The following DHX36 variants were observed in gnomAD, a reference collection of about 807,000 sequenced individuals.
DHX36 encodes DEAH-box helicase 36, also known as ATP-dependent DNA/RNA helicase DHX36.
DHX36 carries 50 observed loss-of-function variants against 139.0 expected under a neutral mutation model. The observed-to-expected ratio is 0.36, with a 90% CI of 0.29 to 0.46. DHX36 has a LOEUF of 0.46. DHX36 is among the 20% of genes least tolerant of loss of function. The pLI, the probability that DHX36 is intolerant of heterozygous loss-of-function variation, is 1.00. For missense variants in DHX36, 1,024 were observed against 1,211.3 expected, an observed-to-expected ratio of 0.85 and a Z score of 2.29; for synonymous variants, 425 against 401.9, an observed-to-expected ratio of 1.06 and a Z score of -0.69.
chr3:154,320,367 T>C (rs1029185134), intron 1 of DHX36, among the ~76,000 whole-genome samples: 3 of 150,622 alleles, frequency 2.0e-5, no homozygotes, highest in African/African-American at 7.5e-5. Flanking sequence ...CCCACCAGTG[T>C]CCTACATTTT....
intron 1 of DHX36, among the ~76,000 whole-genome samples, chr3:154,318,232 C>G (rs181799449): frequency 6.6e-6 from 1 of 152,142 alleles, no homozygotes; most frequent in Admixed American, 6.5e-5. Context: ...AGCAAATGAA[C>G]TATATGTTAC....
chr3:154,300,439 C>A (rs1275745105), intron 11 of DHX36, among the ~76,000 whole-genome samples, 155 bp downstream of exon 11: 6 of 152,128 alleles, frequency 3.9e-5, no homozygotes, highest in Non-Finnish European at 5.9e-5. Flanking sequence ...AGGTCAAATG[C>A]CTAAATCTTT....
Position 154,301,118 on chromosome 3 carries a change from T to C in DHX36, c.1227A>G (p.Pro409=). Residue 409 remains proline (P), a synonymous_variant, in exon 10 of 25, where the codon CCA becomes CCG. Coordinates refer to ENST00000496811, the MANE Select transcript of DHX36 (RefSeq NM_020865.3). ...ACTGGGATCTGTGTTCTTTTTGTTCTGGAACATACCTAAAATAAAAACATT... is the reference window on the plus strand; with the variant it reads ...ACTGGGATCTGTGTTCTTTTTGTTCCGGAACATACCTAAAATAAAAACATT... The part of the protein sequence containing the change: ...EDVIEKIRYV[P]EQKEHRSQFK... 5.0e-6 allele frequency: 8 copies of C among 1,589,810 alleles called. No individual in the cohort carries two copies. The highest frequency in any genetic ancestry group is 1.4e-5 in the African/African-American group (1 of 73,356).
intron 1 of DHX36, 53 bp downstream of exon 1, chr3:154,324,117 GGAGA>G (rs1413149756): frequency 1.3e-6 from 2 of 1,512,844 alleles, no homozygotes; most frequent in Admixed American, 2.0e-5. Context: ...GGGGGCAGCG[GGAGA>G]GAGAAGAAAA....
chr3:154,296,476 A>T (rs1559951461), intron 12 of DHX36, among the ~76,000 whole-genome samples: 2 of 151,260 alleles, frequency 1.3e-5, no homozygotes, highest in East Asian at 1.9e-4. Flanking sequence ...TCCGTCTCAA[A>T]AATAATAATA....
Position 154,315,156 on chromosome 3 carries a change from G to C in DHX36, c.493C>G (p.Arg165Gly). 6.2e-7 allele frequency: 1 copy of C among 1,612,550 alleles called. No individual in the cohort carries two copies. The highest frequency in any genetic ancestry group is 8.5e-7 in the Non-Finnish European group (1 of 1,179,214). The change falls in exon 3 of 25, where the codon CGA becomes GGA. Residue 165 changes from arginine (R) to glycine (G), a missense_variant. By Grantham distance (125) the Arg-to-Gly change is moderately radical. Transcript: ENST00000496811. ...FRIRNRSYID[R>G]DSEYLLQENE... is the part of the protein sequence containing the mutation. ...TCTTGCAAGAGATACTCAGAATCTC[G>C]GTCAATATATGATCTGTTCCTGATT...
At chr3:154,296,338 T>G (rs1194782023) in intron 12 of DHX36, among the ~76,000 whole-genome samples, 1 of 152,066 alleles carries the variant, frequency 6.6e-6, no homozygotes, top group Admixed American at 6.5e-5. Context: ...GCTGGGCGTG[T>G]TGGCGGGCGC....
chr3:154,322,668 T>C (rs998196046), intron 1 of DHX36, among the ~76,000 whole-genome samples: 7 of 152,248 alleles, frequency 4.6e-5, no homozygotes, highest in African/African-American at 9.6e-5. Context: ...CAACTGGCTA[T>C]ACCCTTCATG....
In DHX36 at chr3:154,300,576, A is replaced by G. The variant is rs1338693656; in HGVS notation, c.1461+18T>C. ...AAATTAAAATTATGTTAACTGAAGAAAGAAAAATAAAACTAACCTCTTCTT... is the reference window on the plus strand; with the variant it reads ...AAATTAAAATTATGTTAACTGAAGAGAGAAAAATAAAACTAACCTCTTCTT... On this transcript the variant is annotated intron_variant, in intron 11 of 24. Transcript: ENST00000496811. 9.4e-6 allele frequency: 15 copies of G among 1,589,242 alleles called. No homozygotes were observed. Among genetic ancestry groups the G allele is most frequent in the Non-Finnish European group, 1.1e-5 (13 of 1,161,796 alleles).
At chr3:154,290,774 C>A (rs1006743992) in intron 15 of DHX36, among the ~76,000 whole-genome samples, 1 of 151,888 alleles carries the variant, frequency 6.6e-6, no homozygotes, top group Admixed American at 6.6e-5. Flanking sequence ...TTCCATGAGT[C>A]TACATAGACC....
At chr3:154,318,430 C>G (rs1026941422) in intron 1 of DHX36, among the ~76,000 whole-genome samples, 1 of 152,048 alleles carries the variant, frequency 6.6e-6, no homozygotes, top group African/African-American at 2.4e-5. Flanking sequence ...TAAACAATTT[C>G]CTAGATTGAC....
Position 154,293,817 on chromosome 3 carries a change from A to G in DHX36, c.1606-5T>C. 2 of 1,606,424 alleles carry G rather than the reference A, an allele frequency of 1.2e-6. No homozygotes were observed. Among genetic ancestry groups the G allele is most frequent in the South Asian group, 1.1e-5 (1 of 90,652 alleles). Reference sequence around the variant, plus strand: ...AGGAGGGGTTCTTTTAAACACCTGTAAAAATAAATACATCAGAATCACAAA... The same window carrying G: ...AGGAGGGGTTCTTTTAAACACCTGTGAAAATAAATACATCAGAATCACAAA... On this transcript the variant is annotated splice_region_variant and splice_polypyrimidine_tract_variant and intron_variant, in intron 13 of 24. Coordinates refer to ENST00000496811, the MANE Select transcript of DHX36 (RefSeq NM_020865.3).
intron 12 of DHX36, among the ~76,000 whole-genome samples, chr3:154,297,443 T>A (rs1280281522): frequency 6.6e-6 from 1 of 152,216 alleles, no homozygotes; most frequent in Non-Finnish European, 1.5e-5. Flanking sequence ...CTGGGTGCAG[T>A]GGCTCACGCC....
chr3:154,283,029 T>C (rs988759853), intron 20 of DHX36, among the ~76,000 whole-genome samples, 159 bp downstream of exon 20: 4 of 152,192 alleles, frequency 2.6e-5, no homozygotes, highest in African/African-American at 9.6e-5. Context: ...TTTGTTGCAG[T>C]TGATTTCAGA....
intron 17 of DHX36, among the ~76,000 whole-genome samples, chr3:154,287,453 C>T (rs913000202): frequency 1.3e-5 from 2 of 151,848 alleles, no homozygotes; most frequent in African/African-American, 4.8e-5. Context: ...TCAGGAGTTC[C>T]AGACCAGCCT....
intron 1 of DHX36, among the ~76,000 whole-genome samples, chr3:154,317,475 T>C (rs973927462): frequency 1.3e-5 from 2 of 152,036 alleles, no homozygotes; most frequent in African/African-American, 2.4e-5. Context: ...GACAGACGGA[T>C]GACCAAGTCT....
chr3:154,296,416 G>C (rs946833535), intron 12 of DHX36, among the ~76,000 whole-genome samples: 3 of 152,144 alleles, frequency 2.0e-5, no homozygotes, highest in Non-Finnish European at 4.4e-5. Flanking sequence ...GGAGCTTGCA[G>C]TGAGCCGAGA....
chr3:154,278,395 T>TATA (rs1719222979), intron 22 of DHX36: 2 of 152,148 alleles, frequency 1.3e-5, no homozygotes, highest in Non-Finnish European at 2.9e-5. Flanking sequence ...TAGTTAATGT[T>TATA]AATTACCTGT....
intron 12 of DHX36, 43 bp downstream of exon 12, chr3:154,299,795 A>C: frequency 7.1e-7 from 1 of 1,410,410 alleles, no homozygotes; most frequent in East Asian, 2.3e-5. Flanking sequence ...ATATAATTCA[A>C]ATACCACTCT....
Sources: gnomAD v4.1 joint callset for allele counts (sites outside exome capture counted in the v4.1 genomes callset) on GRCh38, gnomAD v4.1.1 for gene constraint, MANE v1.5 for transcripts, NCBI Gene and HGNC (gene_info 2026-07-23, HGNC 2026-07-21) for gene names.